Variants in ELMO1 observed in about 807,000 individuals in gnomAD.
ELMO1 encodes engulfment and cell motility protein 1.
Under a neutral mutation model 98.9 loss-of-function variants are expected in ELMO1, and 26 were observed. The observed-to-expected ratio is 0.26, with a 90% confidence interval of 0.19 to 0.36. The LOEUF is 0.36. ELMO1 is among the 10% of genes least tolerant of loss of function. The pLI, the probability that ELMO1 is intolerant of heterozygous loss-of-function variation, is 1.00. For missense variants in ELMO1, 627 were observed against 935.2 expected (o/e 0.67, Z 4.30); for synonymous variants, 346 against 346.0 (o/e 1.00, Z 0.00).
At chr7:37,388,142 G>C (rs1339709319) in intron 1 of ELMO1, among the ~76,000 whole-genome samples, 1 of 152,104 alleles carries the variant, frequency 6.6e-6, no homozygotes, top group African/African-American at 2.4e-5. Context: ...GTAACAATCT[G>C]TGGAATACAC....
chr7:36,933,081 A>G (rs894664533), intron 16 of ELMO1, among the ~76,000 whole-genome samples: 5 of 152,162 alleles, frequency 3.3e-5, no homozygotes, highest in Admixed American at 6.5e-5. Flanking sequence ...AGGGACAACG[A>G]GGTGTCCTTT....
chr7:37,317,805 TA>T (rs1799272530), intron 2 of ELMO1, among the ~76,000 whole-genome samples: 1 of 152,184 alleles, frequency 6.6e-6, no homozygotes, highest in Non-Finnish European at 1.5e-5. Flanking sequence ...TTGCACATTT[TA>T]AAATAACTAA....
intron 14 of ELMO1, among the ~76,000 whole-genome samples, chr7:37,123,380 A>G (rs538798622): frequency 3.3e-5 from 5 of 152,358 alleles, no homozygotes; most frequent in Non-Finnish European, 7.3e-5. Context: ...CAAAACTGAT[A>G]GACCACTAGC....
rs147979825 is a variant in ELMO1 at position 37,385,614 on chromosome 7, T to G, written c.-73-42851A>C. On this transcript the variant is annotated intron_variant, in intron 1 of 21. Transcript: ENST00000310758. ...CAGACATTTGTTTACTTGTTTATTTTCTGGATCCCTGAATAGAAAAGAAGC... is the reference window on the plus strand; with the variant it reads ...CAGACATTTGTTTACTTGTTTATTTGCTGGATCCCTGAATAGAAAAGAAGC... Among the ~76,000 whole-genome samples the G allele has an allele frequency of 3.5e-4, 54 of 152,382 alleles. No homozygotes were observed. In the East Asian group the frequency reaches 9.8e-3, roughly 28 times the overall value.
intron 4 of ELMO1, among the ~76,000 whole-genome samples, chr7:37,304,470 C>G (rs949277333): frequency 6.6e-6 from 1 of 152,158 alleles, no homozygotes; most frequent in African/African-American, 2.4e-5. Flanking sequence ...AATCCCAGCA[C>G]TTTGGGAGGC....
chr7:36,976,844 G>A (rs530869770), intron 16 of ELMO1, among the ~76,000 whole-genome samples: 1 of 152,284 alleles, frequency 6.6e-6, no homozygotes, highest in Non-Finnish European at 1.5e-5. Flanking sequence ...CCCTTGAAAA[G>A]TCTTCACACC....
At chr7:37,227,295 C>T (rs1793923108) in intron 8 of ELMO1, among the ~76,000 whole-genome samples, 1 of 152,276 alleles carries the variant, frequency 6.6e-6, no homozygotes, top group Non-Finnish European at 1.5e-5. Context: ...GAAATTTACC[C>T]CCTGAATTAG....
At chr7:36,985,550 G>C (rs148948532) in intron 16 of ELMO1, among the ~76,000 whole-genome samples, 293 of 152,206 alleles carry the variant, frequency 1.9e-3, no homozygotes, top group African/African-American at 6.6e-3. Flanking sequence ...TCCGGGCTCC[G>C]TGCCTGCACC....
intron 14 of ELMO1, among the ~76,000 whole-genome samples, chr7:37,101,764 G>A (rs995473094): frequency 1.3e-5 from 2 of 152,086 alleles, no homozygotes; most frequent in Admixed American, 6.5e-5. Flanking sequence ...GATAAAGGGG[G>A]CTGCGAGTGA....
chr7:37,283,526 T>G (rs111798160), intron 4 of ELMO1, among the ~76,000 whole-genome samples: 159 of 152,320 alleles, frequency 1.0e-3, no homozygotes, highest in African/African-American at 3.6e-3. Flanking sequence ...AGTAATGGAA[T>G]GTAATTATGT....
intron 1 of ELMO1, among the ~76,000 whole-genome samples, chr7:37,442,147 G>T (rs1434945916): frequency 6.6e-6 from 1 of 152,150 alleles, no homozygotes; most frequent in Non-Finnish European, 1.5e-5. Context: ...GCCAGGGAAG[G>T]CAGTAAACAT....
At chr7:37,380,064 C>T (rs1802521226) in intron 1 of ELMO1, among the ~76,000 whole-genome samples, 1 of 152,210 alleles carries the variant, frequency 6.6e-6, no homozygotes, top group Admixed American at 6.5e-5. Context: ...TTCCCCCAAA[C>T]CTGCTGAATA....
rs548423535 is a variant in ELMO1 at position 36,854,693 on chromosome 7, G to C, written c.*858C>G. On this transcript the variant is annotated 3_prime_UTR_variant, in exon 22 of 22. Coordinates refer to ENST00000310758, the MANE Select transcript of ELMO1 (RefSeq NM_014800.11). ...AGGAGAAGGTAACACCAAACGCTTG[G>C]ATAGCAACAGTCCGTCCTAGAGGCA... is the stretch of plus-strand genomic sequence containing the variant. 3.9e-5 allele frequency: 6 copies of C among 152,756 alleles called. No homozygotes were observed. In the East Asian group the frequency reaches 1.2e-3, roughly 30 times the overall value. The allele number at this position is 152,756 out of a possible 1,614,324, so 9.5% of individuals were successfully genotyped here. A position where few individuals can be genotyped will look rare whatever the true frequency, so the allele number is the denominator to read the frequency against.
At chr7:37,049,401 A>G (rs935750288) in intron 15 of ELMO1, among the ~76,000 whole-genome samples, 1 of 152,180 alleles carries the variant, frequency 6.6e-6, no homozygotes, top group Non-Finnish European at 1.5e-5. Flanking sequence ...GAAACCAATT[A>G]AAACTATGTG....
chr7:37,373,027 G>A (rs1314227802), intron 1 of ELMO1, among the ~76,000 whole-genome samples: 1 of 152,186 alleles, frequency 6.6e-6, no homozygotes, highest in Non-Finnish European at 1.5e-5. Flanking sequence ...CCCGTGCTGT[G>A]TCACCTACAG....
rs149994646 is a variant in ELMO1 at position 37,153,196 on chromosome 7, G to A, written c.1087-19962C>T. On this transcript the variant is annotated intron_variant, in intron 13 of 21. Transcript: ENST00000310758. ...AAGATGGCCAAATAGAAACAGCTCCGGTCTACAGCTCCCAGTGATATTGAC... is the reference window on the plus strand; with the variant it reads ...AAGATGGCCAAATAGAAACAGCTCCAGTCTACAGCTCCCAGTGATATTGAC... Among the ~76,000 whole-genome samples the A allele has an allele frequency of 3.8e-3, 580 of 152,266 alleles. 3 individuals carry two copies. Among genetic ancestry groups the A allele is most frequent in the African/African-American group, 0.013 (560 of 41,556 alleles).
At chr7:37,281,110 T>A (rs1012084712) in intron 4 of ELMO1, among the ~76,000 whole-genome samples, 4 of 151,920 alleles carry the variant, frequency 2.6e-5, no homozygotes, top group African/African-American at 9.7e-5. Flanking sequence ...TTGGAGACTA[T>A]TATTCTAAGT....
intron 8 of ELMO1, among the ~76,000 whole-genome samples, chr7:37,230,959 T>G (rs1245646533): frequency 6.6e-6 from 1 of 152,136 alleles, no homozygotes; most frequent in Non-Finnish European, 1.5e-5. Flanking sequence ...AGCAATTAGG[T>G]TGGTGCAAAC....
chr7:37,415,725 T>C (rs2131512425), intron 1 of ELMO1, among the ~76,000 whole-genome samples: 1 of 152,326 alleles, frequency 6.6e-6, no homozygotes, highest in South Asian at 2.1e-4. Flanking sequence ...CCCAAAGATA[T>C]ATCAGGGCTT....
Sources: allele counts gnomAD v4.1 joint callset (sites outside exome capture counted in the v4.1 genomes callset), GRCh38; gene constraint gnomAD v4.1.1; transcripts MANE v1.5; gene names NCBI Gene and HGNC (gene_info 2026-07-23, HGNC 2026-07-21).